CLSTN2: variants seen among roughly 807,000 people sequenced by gnomAD.
CLSTN2 encodes calsyntenin-2.
Under a neutral mutation model 101.2 loss-of-function variants are expected in CLSTN2, and 48 were observed. The observed-to-expected ratio is 0.47, with a 90% confidence interval of 0.38 to 0.60. The LOEUF (loss-of-function observed/expected upper bound fraction) is 0.60. Ranked by LOEUF, CLSTN2 falls within the 20% of genes least tolerant of loss-of-function variation. The pLI, the probability that CLSTN2 is intolerant of heterozygous loss-of-function variation, is 0.00. For synonymous variants in CLSTN2, 481 were observed against 463.6 expected (o/e 1.04, Z -0.48); for missense variants, 1,160 against 1,238.2 (o/e 0.94, Z 0.95).
chr3:140,549,945 T>C (rs1576622744), intron 10 of CLSTN2, among the ~76,000 whole-genome samples: 1 of 150,782 alleles, frequency 6.6e-6, no homozygotes, highest in East Asian at 2.0e-4. Flanking sequence ...CCTAAAATGG[T>C]TTAGTGGCTG....
chr3:140,338,637 T>C (rs1013905078), intron 2 of CLSTN2, among the ~76,000 whole-genome samples: 31 of 152,190 alleles, frequency 2.0e-4, no homozygotes, highest in Non-Finnish European at 4.4e-4. Flanking sequence ...CACTAAGCTT[T>C]TCAGAGAGCT....
rs2086268176 is a variant in CLSTN2, at chr3:140,221,102, C to T, written c.232+45029C>T. On this transcript the variant is annotated intron_variant, in intron 2 of 16. Transcript: ENST00000458420. ...TATTTTTTAGTCACTGTACAGTCAG[C>T]CAGGAGCAAAGCTCAGGGGACCCTG... Among the ~76,000 whole-genome samples, 3 of 152,228 alleles carry T rather than the reference C, an allele frequency of 2.0e-5. No homozygotes were observed. In the South Asian group the frequency reaches 6.2e-4, roughly 32 times the overall value.
chr3:140,363,837 G>A (rs2107951811), intron 2 of CLSTN2, among the ~76,000 whole-genome samples: 1 of 152,270 alleles, frequency 6.6e-6, no homozygotes, highest in African/African-American at 2.4e-5. Flanking sequence ...GGGGAACCTG[G>A]GGGCTAGGAG....
intron 1 of CLSTN2, among the ~76,000 whole-genome samples, chr3:140,161,458 C>T (rs189875260): frequency 1.6e-4 from 25 of 152,166 alleles, no homozygotes; most frequent in Non-Finnish European, 2.6e-4. Context: ...AGAAAAGATG[C>T]TCCCCTTCCT....
chr3:140,004,655 A>G (rs533550927), intron 1 of CLSTN2, among the ~76,000 whole-genome samples: 1 of 152,352 alleles, frequency 6.6e-6, no homozygotes, highest in East Asian at 1.9e-4. Context: ...CTTGGAAAAG[A>G]TATCTGAATT....
chr3:140,559,960 C>T (rs778847818), intron 12 of CLSTN2, among the ~76,000 whole-genome samples: 1 of 152,218 alleles, frequency 6.6e-6, no homozygotes, highest in Non-Finnish European at 1.5e-5. Context: ...CCCTCTTCCC[C>T]TGTTCTCATT....
chr3:140,240,174 C>CTCTCTCTCTCTCTCTCTCTCTA (rs1311225528), intron 2 of CLSTN2, among the ~76,000 whole-genome samples: 2 of 13,360 alleles, frequency 1.5e-4, no homozygotes, highest in Non-Finnish European at 3.5e-4. Flanking sequence ...CTCTCTCTCT[C>CTCTCTCTCTCTCTCTCTCTCTA]TATATATATA....
intron 1 of CLSTN2, among the ~76,000 whole-genome samples, chr3:139,973,340 C>A (rs968398798): frequency 5.3e-5 from 8 of 152,244 alleles, no homozygotes; most frequent in African/African-American, 1.9e-4. Flanking sequence ...GTTCCAGCCA[C>A]AGGCTTGTTA....
At chr3:140,130,064 C>T (rs1476059357) in intron 1 of CLSTN2, among the ~76,000 whole-genome samples, 1 of 152,196 alleles carries the variant, frequency 6.6e-6, no homozygotes, top group Non-Finnish European at 1.5e-5. Flanking sequence ...GTCCTGCTGA[C>T]ATTCAGGAGA....
intron 8 of CLSTN2, among the ~76,000 whole-genome samples, chr3:140,474,723 G>A (rs566097868): frequency 1.3e-5 from 2 of 152,178 alleles, no homozygotes; most frequent in Admixed American, 1.3e-4. Context: ...CAGCCAATCT[G>A]CTCTGCAGTG....
At chr3:140,031,901 T>C (rs577727015) in intron 1 of CLSTN2, among the ~76,000 whole-genome samples, 1 of 152,352 alleles carries the variant, frequency 6.6e-6, no homozygotes, top group South Asian at 2.1e-4. Context: ...TGGTGTGATC[T>C]TGGGGAAGTC....
intron 5 of CLSTN2, among the ~76,000 whole-genome samples, chr3:140,438,022 T>C (rs2088705478): frequency 6.6e-6 from 1 of 152,220 alleles, no homozygotes; most frequent in African/African-American, 2.4e-5. Flanking sequence ...CCAAATGTGC[T>C]TGACTGTGTC....
At chr3:140,102,701 A>C (rs749730073) in intron 1 of CLSTN2, among the ~76,000 whole-genome samples, 14 of 152,126 alleles carry the variant, frequency 9.2e-5, no homozygotes, top group Non-Finnish European at 1.6e-4. Context: ...CAGAAATCTC[A>C]GATTCACCCA....
intron 1 of CLSTN2, among the ~76,000 whole-genome samples, chr3:140,051,968 G>A (rs1016300625): frequency 2.6e-5 from 4 of 152,304 alleles, no homozygotes; most frequent in African/African-American, 9.6e-5. Context: ...AGGCTGAGCT[G>A]CTGGTCTGGG....
chr3:140,369,019 G>C (rs143000780), intron 2 of CLSTN2, among the ~76,000 whole-genome samples: 206 of 152,210 alleles, frequency 1.4e-3, no homozygotes, highest in African/African-American at 4.8e-3. Context: ...CATAATTTAG[G>C]CATTTTAACT....
chr3:140,125,403 C>A (rs4234482), intron 1 of CLSTN2, among the ~76,000 whole-genome samples: 4 of 151,952 alleles, frequency 2.6e-5, no homozygotes, highest in African/African-American at 7.3e-5. Flanking sequence ...CACAAGTAGC[C>A]GGGTGGGCAT....
intron 12 of CLSTN2, among the ~76,000 whole-genome samples, chr3:140,561,879 G>A (rs956077745): frequency 2.6e-4 from 39 of 152,182 alleles, no homozygotes; most frequent in African/African-American, 9.2e-4. Flanking sequence ...CTCAGTGGCA[G>A]AGCTGGTATT....
intron 6 of CLSTN2, among the ~76,000 whole-genome samples, chr3:140,457,580 G>A (rs1470962047): frequency 6.6e-6 from 1 of 152,152 alleles, no homozygotes; most frequent in Non-Finnish European, 1.5e-5. Flanking sequence ...TAAAACATTT[G>A]TATAAATTAG....
At chr3:140,376,818 G>A (rs1312334165) in intron 2 of CLSTN2, among the ~76,000 whole-genome samples, 2 of 152,168 alleles carry the variant, frequency 1.3e-5, no homozygotes, top group African/African-American at 2.4e-5. Flanking sequence ...AGGTCCACAG[G>A]CTGGGTTTGT....
Sources: gnomAD v4.1 joint callset for allele counts (sites outside exome capture counted in the v4.1 genomes callset) on GRCh38, gnomAD v4.1.1 for gene constraint, MANE v1.5 for transcripts, NCBI Gene and HGNC (gene_info 2026-07-23, HGNC 2026-07-21) for gene names.